Variants in COA1 observed in about 807,000 individuals in gnomAD.
COA1 encodes the protein cytochrome c oxidase assembly factor 1 homolog.
COA1 carries 13 observed loss-of-function variants against 16.0 expected under a neutral mutation model. That is an observed-to-expected ratio of 0.81 (90% CI 0.53 to 1.29). The LOEUF is 1.29. COA1 is among the 50% of genes most tolerant of loss of function. The pLI is 0.00. For missense variants in COA1, 179 were observed against 177.0 expected (o/e 1.01, Z -0.06); for synonymous variants, 65 against 65.7 (o/e 0.99, Z 0.05).
chr7:43,625,732 A>T (rs2084441309), intron 6 of COA1: 1 of 141,002 alleles, frequency 7.1e-6, no homozygotes, highest in Non-Finnish European at 1.5e-5. Context: ...TTTGTCCCAA[A>T]GTGAGTAAAA....
chr7:43,635,977 A>C (rs565276991), downstream of COA1, among the ~76,000 whole-genome samples: 6 of 152,286 alleles, frequency 3.9e-5, no homozygotes, highest in Non-Finnish European at 8.8e-5. Flanking sequence ...ACCTCATGTG[A>C]TCTGATAAGT....
chr7:43,722,585 T>C (rs918460626), intron 1 of COA1, among the ~76,000 whole-genome samples: 1 of 150,250 alleles, frequency 6.7e-6, no homozygotes, highest in African/African-American at 2.5e-5. Flanking sequence ...GTATTTTTAG[T>C]AGAGACGGGG....
intron 1 of COA1, among the ~76,000 whole-genome samples, chr7:43,719,641 T>C (rs1282818502): frequency 6.6e-6 from 1 of 152,198 alleles, no homozygotes; most frequent in Non-Finnish European, 1.5e-5. Flanking sequence ...TGTGCATTTA[T>C]CCCTAGATTC....
intron 1 of COA1, among the ~76,000 whole-genome samples, chr7:43,671,870 G>A (rs2153199779): frequency 6.6e-6 from 1 of 152,096 alleles, no homozygotes; most frequent in East Asian, 1.9e-4. Flanking sequence ...CTCTCCTGCT[G>A]CCCTGTGAAG....
At chr7:43,688,511 A>ATCTT (rs2094136732) in intron 1 of COA1, among the ~76,000 whole-genome samples, 2 of 151,740 alleles carry the variant, frequency 1.3e-5, no homozygotes, top group Non-Finnish European at 2.9e-5. Flanking sequence ...AGGATTAAAA[A>ATCTT]CCTCTTTATC....
intron 6 of COA1, among the ~76,000 whole-genome samples, chr7:43,629,449 A>G (rs141552471): frequency 2.0e-5 from 3 of 152,304 alleles, no homozygotes; most frequent in African/African-American, 7.2e-5. Flanking sequence ...GCAGTGTTTT[A>G]CATTTTTCAG....
chr7:43,719,191 C>A (rs1236853560), intron 1 of COA1, among the ~76,000 whole-genome samples: 1 of 152,166 alleles, frequency 6.6e-6, no homozygotes, highest in African/African-American at 2.4e-5. Context: ...TGGTCTCGAA[C>A]TCCTGACCTC....
At chr7:43,725,406 A>G (rs567047885) in intron 1 of COA1, among the ~76,000 whole-genome samples, 1 of 152,360 alleles carries the variant, frequency 6.6e-6, no homozygotes, top group African/African-American at 2.4e-5. Context: ...AGAAAAGACA[A>G]AACACTGAAA....
chr7:43,718,873 T>C (rs1306492380), intron 1 of COA1, among the ~76,000 whole-genome samples: 3 of 152,130 alleles, frequency 2.0e-5, no homozygotes, highest in Admixed American at 1.3e-4. Context: ...ACTATGTTGA[T>C]GTTGTCTATT....
chr7:43,717,162 T>G (rs2095412189), intron 1 of COA1, among the ~76,000 whole-genome samples: 1 of 152,172 alleles, frequency 6.6e-6, no homozygotes, highest in South Asian at 2.1e-4. Flanking sequence ...CTAGTGAAGC[T>G]GTGAGAAGAG....
In COA1 at chr7:43,640,656, G is replaced by A; in HGVS notation, c.265-7C>T. The stretch of plus-strand genomic sequence containing the variant: ...CAGAGACAGGAATCTTCAACTGTGG[G>A]TGTAAAATGACAGAAAGGAGAGATG... On this transcript the variant is annotated splice_polypyrimidine_tract_variant and splice_region_variant and intron_variant, in intron 4 of 5. Coordinates refer to ENST00000223336, the MANE Select transcript of COA1 (RefSeq NM_018224.4). 1 of 1,581,456 alleles carries A rather than the reference G, an allele frequency of 6.3e-7. No individual in the cohort carries two copies. Among genetic ancestry groups the A allele is most frequent in the Non-Finnish European group, 8.6e-7 (1 of 1,162,196 alleles).
chr7:43,711,505 C>A (rs1005794180), intron 1 of COA1: 2 of 152,128 alleles, frequency 1.3e-5, no homozygotes, highest in Non-Finnish European at 2.9e-5. Context: ...TCCATTGAGT[C>A]AAAAGGTGGG....
chr7:43,689,227 A>G (rs1465290871), intron 1 of COA1, among the ~76,000 whole-genome samples: 2 of 152,266 alleles, frequency 1.3e-5, no homozygotes, highest in Admixed American at 6.5e-5. Flanking sequence ...TTAAGCATGG[A>G]AAGAGTCATG....
rs2090899835 is a variant in COA1, at chr7:43,651,912, G to C, written c.-38-3260C>G. Among the ~76,000 whole-genome samples the C allele has an allele frequency of 2.6e-5, 4 of 152,146 alleles. No individual in the cohort carries two copies. In the South Asian group the frequency reaches 8.3e-4, roughly 32 times the overall value. ...CTCAGGAGGCTGAGGCAGGAGGATGGCTTGAGCCCAGGAGGTGGAGGTTGC... is the reference window on the plus strand; with the variant it reads ...CTCAGGAGGCTGAGGCAGGAGGATGCCTTGAGCCCAGGAGGTGGAGGTTGC... On this transcript the variant is annotated intron_variant, in intron 1 of 5. Transcript: ENST00000223336.
At chr7:43,655,296 C>T (rs1279546200) in intron 1 of COA1, among the ~76,000 whole-genome samples, 4 of 152,046 alleles carry the variant, frequency 2.6e-5, no homozygotes, top group East Asian at 1.9e-4. Context: ...AAATATTAGC[C>T]GGGCATAGTG....
chr7:43,627,016 C>G (rs755184601), intron 6 of COA1, among the ~76,000 whole-genome samples: 4 of 152,204 alleles, frequency 2.6e-5, no homozygotes, highest in Admixed American at 2.6e-4. Flanking sequence ...TAACTGCCAG[C>G]TAGCTCTACA....
intron 1 of COA1, among the ~76,000 whole-genome samples, chr7:43,712,563 G>T (rs553753167): frequency 1.4e-4 from 21 of 152,178 alleles, no homozygotes; most frequent in Non-Finnish European, 3.1e-4. Flanking sequence ...ACGGTGTCCT[G>T]AAATTTCCTA....
chr7:43,691,275 A>G (rs1406944790), intron 1 of COA1, among the ~76,000 whole-genome samples: 1 of 35,134 alleles, frequency 2.8e-5, no homozygotes, highest in Non-Finnish European at 5.6e-5. Flanking sequence ...AAAAGAAAGA[A>G]AGAAAGAAAG....
intron 1 of COA1, among the ~76,000 whole-genome samples, chr7:43,725,169 T>C (rs10247825): frequency 2.7e-5 from 4 of 146,850 alleles, no homozygotes; most frequent in Non-Finnish European, 6.0e-5. Context: ...ACCCGGGAGG[T>C]GGGGGTTGCG....
Sources: gnomAD v4.1 joint callset for allele counts (sites outside exome capture counted in the v4.1 genomes callset) on GRCh38, gnomAD v4.1.1 for gene constraint, MANE v1.5 for transcripts, NCBI Gene and HGNC (gene_info 2026-07-23, HGNC 2026-07-21) for gene names.